IL17RD: variants seen among roughly 807,000 people sequenced by gnomAD.
The protein encoded by IL17RD is interleukin-17 receptor D.
A neutral mutation model predicts 80.5 loss-of-function variants in IL17RD; 52 were observed. The ratio of observed to expected loss-of-function variants is 0.65; its 90% CI spans 0.52 to 0.81. IL17RD has a LOEUF of 0.81. Among genes scored for constraint, IL17RD ranks in the 40% least tolerant of loss-of-function variants. IL17RD has a pLI of 0.00. For synonymous variants in IL17RD, 416 were observed against 391.8 expected (o/e 1.06, Z -0.73); for missense variants, 1,024 against 955.1 (o/e 1.07, Z -0.95).
chr3:57,102,551 T>A lies in IL17RD; in HGVS notation c.907A>T (p.Ile303Phe). The stretch of plus-strand genomic sequence containing the variant: ...GATATGACTACCAGTGGCACTGTGA[T>A]GGCCACGGCTCTGATGGGCCCGGCC... Reference protein sequence around the residue: ...PWAGPIRAVAITVPLVVISAF... With the variant: ...PWAGPIRAVAFTVPLVVISAF... Residue 303 changes from isoleucine (I) to phenylalanine (F), a missense_variant, in exon 10 of 13, where the codon ATC becomes TTC. Physicochemically the swap from Ile to Phe is conservative, Grantham distance 21 (BLOSUM62 0). Transcript: ENST00000296318. 1 of 1,585,516 alleles carries A rather than the reference T, an allele frequency of 6.3e-7. No individual in the cohort carries two copies. Among genetic ancestry groups the A allele is most frequent in the Non-Finnish European group, 8.6e-7 (1 of 1,157,952 alleles).
At chr3:57,144,677 A>G (rs1369875648) in intron 1 of IL17RD, among the ~76,000 whole-genome samples, 2 of 152,136 alleles carry the variant, frequency 1.3e-5, no homozygotes, top group Non-Finnish European at 2.9e-5. Context: ...CAGAGGACCT[A>G]CTAAAACAAT....
chr3:57,140,971 G>A (rs1707817378), intron 1 of IL17RD, among the ~76,000 whole-genome samples: 1 of 151,644 alleles, frequency 6.6e-6, no homozygotes, highest in African/African-American at 2.4e-5. Context: ...ATGGCTCACT[G>A]CAGCCTCCAA....
chr3:57,152,131 A>G (rs4475007), intron 1 of IL17RD, among the ~76,000 whole-genome samples: 44,916 of 151,944 alleles, frequency 0.3, 6,989 homozygotes, highest in East Asian at 0.4. Context: ...CCATAGAAAC[A>G]AGAACTCTCT....
chr3:57,150,911 G>T (rs1708046630), intron 1 of IL17RD, among the ~76,000 whole-genome samples: 1 of 152,308 alleles, frequency 6.6e-6, no homozygotes, highest in African/African-American at 2.4e-5. Flanking sequence ...CCTCTGGCTT[G>T]CTCCTGCTCT....
At chr3:57,141,967 G>C (rs1010436405) in intron 1 of IL17RD, among the ~76,000 whole-genome samples, 3 of 152,084 alleles carry the variant, frequency 2.0e-5, no homozygotes, top group African/African-American at 2.4e-5. Context: ...GCAGAACAGA[G>C]GAACAAGGAC....
intron 4 of IL17RD, 67 bp from the exon 5 acceptor site, chr3:57,109,724 T>G: frequency 6.6e-7 from 1 of 1,518,394 alleles, no homozygotes; most frequent in Non-Finnish European, 8.9e-7. Context: ...TCATAAGGTC[T>G]TCGCTCCTAC....
At chr3:57,127,007 T>C (rs1478063036) in intron 1 of IL17RD, among the ~76,000 whole-genome samples, 1 of 150,922 alleles carries the variant, frequency 6.6e-6, no homozygotes, top group Non-Finnish European at 1.5e-5. Flanking sequence ...GTATTTGTAG[T>C]AGAGACAGGG....
intron 5 of IL17RD, among the ~76,000 whole-genome samples, chr3:57,108,888 G>A (rs1302304428): frequency 7.9e-5 from 12 of 151,910 alleles, no homozygotes; most frequent in Non-Finnish European, 1.8e-4. Flanking sequence ...GGGCTCAAGT[G>A]ATCCTGCTGC....
chr3:57,159,384 T>C (rs1404356058), intron 1 of IL17RD, among the ~76,000 whole-genome samples: 1 of 152,140 alleles, frequency 6.6e-6, no homozygotes, highest in African/African-American at 2.4e-5. Flanking sequence ...GGAAGTGGCC[T>C]GTGGTTAAAC....
At chr3:57,158,327 G>C (rs1427376497) in intron 1 of IL17RD, among the ~76,000 whole-genome samples, 2 of 152,130 alleles carry the variant, frequency 1.3e-5, no homozygotes, top group Non-Finnish European at 2.9e-5. Flanking sequence ...GCCCTTTCAA[G>C]TCTTAAGGTA....
intron 1 of IL17RD, among the ~76,000 whole-genome samples, chr3:57,148,377 A>T (rs938843724): frequency 1.3e-5 from 2 of 152,080 alleles, no homozygotes; most frequent in South Asian, 2.1e-4. Flanking sequence ...CTAATTTTAA[A>T]CCTACCTCCC....
At position 57,090,934 on chromosome 3, in the gene IL17RD, G is replaced by A. The variant is rs1295501863; in HGVS notation, c.*5459C>T. 1 of 152,222 alleles carries A rather than the reference G, an allele frequency of 6.6e-6. No homozygotes were observed. The highest frequency in any genetic ancestry group is 2.4e-5 in the African/African-American group (1 of 41,442). 9.4% of individuals were successfully genotyped at this position (152,222 alleles called of 1,614,324 possible). On this transcript the variant is annotated 3_prime_UTR_variant, in exon 13 of 13. Coordinates refer to ENST00000296318, the MANE Select transcript of IL17RD (RefSeq NM_017563.5). ...CGCAGTGCTTGGTCAATTGAGAGCA[G>A]AACATAAACAAGATCCTGGAGGTGT...
At chr3:57,158,697 C>T (rs564182635) in intron 1 of IL17RD, among the ~76,000 whole-genome samples, 2 of 152,296 alleles carry the variant, frequency 1.3e-5, no homozygotes, top group East Asian at 3.9e-4. Context: ...TTAACAGTCT[C>T]TATTAGAAAC....
intron 2 of IL17RD, among the ~76,000 whole-genome samples, chr3:57,117,837 T>C (rs1707250187): frequency 2.0e-5 from 3 of 152,234 alleles, no homozygotes; most frequent in Admixed American, 1.3e-4. Flanking sequence ...CAAATGACAT[T>C]TTCCCAAAAT....
At chr3:57,141,073 T>C (rs569552799) in intron 1 of IL17RD, among the ~76,000 whole-genome samples, 11 of 152,084 alleles carry the variant, frequency 7.2e-5, no homozygotes, top group African/African-American at 2.4e-4. Flanking sequence ...TTTTTAAAAG[T>C]TCATTCTTTG....
intron 1 of IL17RD, among the ~76,000 whole-genome samples, chr3:57,127,361 T>TAA (rs1707509393): frequency 2.5e-5 from 2 of 81,158 alleles, no homozygotes; most frequent in Non-Finnish European, 4.5e-5. Context: ...TATATATAAA[T>TAA]ATAAATATAT....
At chr3:57,113,030 A>G (rs1200127860) in intron 3 of IL17RD, among the ~76,000 whole-genome samples, 2 of 152,146 alleles carry the variant, frequency 1.3e-5, no homozygotes, top group African/African-American at 2.4e-5. Flanking sequence ...GTGAGGTTCA[A>G]TGCCTCATGT....
intron 5 of IL17RD, among the ~76,000 whole-genome samples, chr3:57,108,791 C>T (rs1308815968): frequency 2.0e-5 from 3 of 151,802 alleles, no homozygotes; most frequent in African/African-American, 4.8e-5. Context: ...GTTGGGATTA[C>T]AGGCATGAGC....
chr3:57,156,055 C>T (rs1025888991), intron 1 of IL17RD, among the ~76,000 whole-genome samples: 4 of 152,208 alleles, frequency 2.6e-5, no homozygotes, highest in African/African-American at 9.6e-5. Context: ...TACTATGTGC[C>T]AGGCACTGTT....
Sources: gnomAD v4.1 joint callset for allele counts (sites outside exome capture counted in the v4.1 genomes callset) on GRCh38, gnomAD v4.1.1 for gene constraint, MANE v1.5 for transcripts, NCBI Gene and HGNC (gene_info 2026-07-23, HGNC 2026-07-21) for gene names.